Variants in FERMT1 observed in about 807,000 individuals in gnomAD.
FERMT1 encodes FERM domain containing kindlin 1.
In FERMT1, 60 loss-of-function variants were observed where a neutral mutation model predicts 85.3. The ratio of observed to expected loss-of-function variants is 0.70; its 90% CI spans 0.57 to 0.87. The LOEUF (loss-of-function observed/expected upper bound fraction) is 0.87, where lower values mean the gene tolerates loss of function less well. Ranked by LOEUF, FERMT1 falls within the 40% of genes least tolerant of loss-of-function variation. FERMT1 has a pLI of 0.00. For synonymous variants in FERMT1, 275 were observed against 301.1 expected, an observed-to-expected ratio of 0.91 and a Z score of 0.90; for missense variants, 701 against 818.9, an observed-to-expected ratio of 0.86 and a Z score of 1.76.
intron 2 of FERMT1, among the ~76,000 whole-genome samples, chr20:6,117,277 C>CT (rs969537153): frequency 5.3e-5 from 8 of 150,820 alleles, no homozygotes; most frequent in African/African-American, 1.2e-4. Context: ...ATTAGAAACT[C>CT]TTTTTTTTTG....
At chr20:6,116,786 C>G (rs1006479965) in intron 2 of FERMT1, among the ~76,000 whole-genome samples, 3 of 151,480 alleles carry the variant, frequency 2.0e-5, no homozygotes, top group African/African-American at 7.3e-5. Flanking sequence ...CATTTAGATA[C>G]CGTGGAGGAA....
rs537579176 is a variant in FERMT1, at chr20:6,075,289, G to A, written c.*1884C>T. On this transcript the variant is annotated 3_prime_UTR_variant, in exon 15 of 15. Coordinates refer to ENST00000217289, the MANE Select transcript of FERMT1 (RefSeq NM_017671.5). The stretch of plus-strand genomic sequence containing the variant: ...CAGCAAACAGGTAAAATCTGACATC[G>A]AGAAGCATTATTTTAATGTAGGACC... 11 of 152,340 alleles carry A rather than the reference G, an allele frequency of 7.2e-5. No individual in the cohort carries two copies. Among genetic ancestry groups the A allele is most frequent in the African/African-American group, 2.2e-4 (9 of 41,542 alleles). 9.4% of individuals were successfully genotyped at this position (152,340 alleles called of 1,614,324 possible). A position where few individuals can be genotyped will look rare whatever the true frequency, so the allele number is the denominator to read the frequency against.
At chr20:6,080,856 T>C (rs1352835698) in intron 13 of FERMT1, among the ~76,000 whole-genome samples, 1 of 152,214 alleles carries the variant, frequency 6.6e-6, no homozygotes, top group Admixed American at 6.5e-5. Flanking sequence ...CAAGGGTCAC[T>C]GGATTTATGA....
Position 6,077,067 on chromosome 20 carries a change from G to T in FERMT1, c.*106C>A. The T allele has an allele frequency of 8.9e-7, 1 of 1,123,080 alleles. No individual in the cohort carries two copies. The highest frequency in any genetic ancestry group is 1.4e-6 in the Non-Finnish European group (1 of 736,854). 69.6% of individuals were successfully genotyped at this position (1,123,080 alleles called of 1,614,324 possible). On this transcript the variant is annotated 3_prime_UTR_variant, in exon 15 of 15. Transcript: ENST00000217289. ...TCTGGGTGACCAGCGGTGAATGTAT[G>T]TTGTCTGTTAGTCCAGAATCTACAT... is the stretch of plus-strand genomic sequence containing the variant.
rs1046109428 is a variant in FERMT1 at position 6,085,349 on chromosome 20, G to T, written c.1372-62C>A. On this transcript the variant is annotated intron_variant, in intron 11 of 14. Transcript: ENST00000217289. Reference sequence around the variant, plus strand: ...GCAAAGCCCCCTGCTGCACACAGAGGGGGACTTGGGCTTTCTACCCCATTA... The same window carrying T: ...GCAAAGCCCCCTGCTGCACACAGAGTGGGACTTGGGCTTTCTACCCCATTA... 2.7e-5 allele frequency: 39 copies of T among 1,470,056 alleles called. No individual in the cohort carries two copies. The Admixed American group carries it at 2.9e-4, about 11-fold the overall frequency. The allele number at this position is 1,470,056 out of a possible 1,614,324, so 91.1% of individuals were successfully genotyped here.
intron 4 of FERMT1, among the ~76,000 whole-genome samples, chr20:6,111,723 A>G (rs1470599283): frequency 2.6e-5 from 4 of 152,218 alleles, no homozygotes; most frequent in Admixed American, 6.5e-5. Flanking sequence ...TGATATAAAA[A>G]GAAAAGGATG....
In FERMT1 at chr20:6,078,797, C is replaced by T. The variant is rs949033266; in HGVS notation, c.1860+639G>A. ...AATTAGCGGCAGGATGCTAAGCTGC[C>T]TCTAACTTCATCTGGAATTTTCCAT... On this transcript the variant is annotated intron_variant, in intron 14 of 14. Coordinates refer to ENST00000217289, the MANE Select transcript of FERMT1 (RefSeq NM_017671.5). Among the ~76,000 whole-genome samples, 113 of 152,122 alleles carry T rather than the reference C, an allele frequency of 7.4e-4. 1 individual carries two copies. The highest frequency in any genetic ancestry group is 2.4e-3 in the African/African-American group (101 of 41,426).
intron 13 of FERMT1, among the ~76,000 whole-genome samples, chr20:6,080,764 G>A (rs1023131397): frequency 2.0e-5 from 3 of 152,318 alleles, no homozygotes; most frequent in South Asian, 2.1e-4. Flanking sequence ...CTACTGAGAT[G>A]AAGAAGTATG....
chr20:6,085,405 T>A, intron 11 of FERMT1, 118 bp from the exon 12 acceptor site: 1 of 854,148 alleles, frequency 1.2e-6, no homozygotes, highest in Non-Finnish European at 1.9e-6. Flanking sequence ...CCAAGCAAGA[T>A]GTGAAGTGGC....
At chr20:6,086,599 G>A (rs1033137048) in intron 11 of FERMT1, among the ~76,000 whole-genome samples, 1 of 152,188 alleles carries the variant, frequency 6.6e-6, no homozygotes, top group Non-Finnish European at 1.5e-5. Context: ...ATGTTGAATT[G>A]TAATTCCCAG....
chr20:6,084,372 T>A (rs1281651199), intron 12 of FERMT1, among the ~76,000 whole-genome samples: 1 of 152,148 alleles, frequency 6.6e-6, no homozygotes, highest in Non-Finnish European at 1.5e-5. Flanking sequence ...ACCCAACACA[T>A]AAACTTCTAA....
In FERMT1 at chr20:6,094,941, A is replaced by G; in HGVS notation, c.1137T>C (p.Phe379=). ...IPKLADNLKL[F]RPKKLLPKAF... ...TTTCCCCATAAAAGTTTACTTACCT[A>G]AATAATTTGAGATTATCTGCAAGTT... The change falls in exon 9 of 15, where the codon TTT becomes TTC. Residue 379 remains phenylalanine, a splice_region_variant and synonymous_variant. Coordinates refer to ENST00000217289, the MANE Select transcript of FERMT1 (RefSeq NM_017671.5). 6.7e-7 allele frequency: 1 copy of G among 1,485,132 alleles called. No homozygotes were observed. The highest frequency in any genetic ancestry group is 9.4e-7 in the Non-Finnish European group (1 of 1,062,580). 92.0% of individuals were successfully genotyped at this position (1,485,132 alleles called of 1,614,324 possible). A position where few individuals can be genotyped will look rare whatever the true frequency, so the allele number is the denominator to read the frequency against.
In FERMT1 at chr20:6,087,636, A is replaced by G. The variant is rs548438315; in HGVS notation, c.1371+141T>C. On this transcript the variant is annotated intron_variant, in intron 11 of 14. Transcript: ENST00000217289. ...TGTTTATTGTTAGAATGTCATTGTG[A>G]TTTTGTTACACTGTGATTGTTTGTT... 1.8e-5 allele frequency: 13 copies of G among 710,012 alleles called. No homozygotes were observed. The East Asian group carries it at 3.2e-4, about 17-fold the overall frequency. 44.0% of individuals were successfully genotyped at this position (710,012 alleles called of 1,614,324 possible).
intron 5 of FERMT1, among the ~76,000 whole-genome samples, chr20:6,109,640 C>T (rs1688742789): frequency 6.6e-6 from 1 of 152,206 alleles, no homozygotes; most frequent in Non-Finnish European, 1.5e-5. Context: ...TGGCTCATGC[C>T]TGTAATCCCA....
At chr20:6,079,315 A>C in intron 14 of FERMT1, 121 bp downstream of exon 14, 1 of 1,065,940 alleles carries the variant, frequency 9.4e-7, no homozygotes, top group Admixed American at 1.7e-5. Context: ...GACAGTTACC[A>C]TATGCTTGTG....
intron 6 of FERMT1, among the ~76,000 whole-genome samples, chr20:6,098,888 GAA>G (rs1435793117): frequency 6.6e-6 from 1 of 152,180 alleles, no homozygotes; most frequent in African/African-American, 2.4e-5. Flanking sequence ...AGCCTCTGTA[GAA>G]AAGTTTGGCA....
Position 6,094,987 on chromosome 20 carries a change from T to C in FERMT1, c.1091A>G (p.Glu364Gly). Residue 364 changes from glutamate (E) to glycine (G), a missense_variant and splice_region_variant, in exon 9 of 15, where the codon GAG (glutamate) becomes GGG (glycine). Coordinates refer to ENST00000217289, the MANE Select transcript of FERMT1 (RefSeq NM_017671.5). Reference sequence around the variant, plus strand: ...AAGTTTAGGGATATCAGTAATGTCCTCCTAAGAAAAAACAAATAAAGTTTC... The same window carrying C: ...AAGTTTAGGGATATCAGTAATGTCCCCCTAAGAAAAAACAAATAAAGTTTC... Reference protein sequence around the residue: ...LEGGKADSLLEDITDIPKLAD... With the variant: ...LEGGKADSLLGDITDIPKLAD... 1 of 1,529,854 alleles carries C rather than the reference T, an allele frequency of 6.5e-7. No homozygotes were observed. The highest frequency in any genetic ancestry group is 9.1e-7 in the Non-Finnish European group (1 of 1,103,266). The allele number at this position is 1,529,854 out of a possible 1,614,324, so 94.8% of individuals were successfully genotyped here. A position where few individuals can be genotyped will look rare whatever the true frequency, so the allele number is the denominator to read the frequency against.
At chr20:6,114,477 G>A (rs1983045582) in intron 3 of FERMT1, among the ~76,000 whole-genome samples, 1 of 152,136 alleles carries the variant, frequency 6.6e-6, no homozygotes, top group African/African-American at 2.4e-5. Flanking sequence ...TTACATTTTT[G>A]GTATCAGCTG....
At chr20:6,108,551 TG>T (rs1406775078) in intron 5 of FERMT1, among the ~76,000 whole-genome samples, 1 of 152,152 alleles carries the variant, frequency 6.6e-6, no homozygotes, top group African/African-American at 2.4e-5. Flanking sequence ...GACTCATACC[TG>T]TAATTCCAGC....
Sources: gnomAD v4.1 joint callset for allele counts (sites outside exome capture counted in the v4.1 genomes callset) on GRCh38, gnomAD v4.1.1 for gene constraint, MANE v1.5 for transcripts, NCBI Gene and HGNC (gene_info 2026-07-23, HGNC 2026-07-21) for gene names.